Variants in DIPK1A observed in about 807,000 individuals in gnomAD.
The protein encoded by DIPK1A is divergent protein kinase domain 1A.
Under a neutral mutation model 40.8 loss-of-function variants are expected in DIPK1A, and 27 were observed. That is an observed-to-expected ratio of 0.66 (90% CI 0.49 to 0.91). The LOEUF (loss-of-function observed/expected upper bound fraction) is 0.91. DIPK1A is among the 40% of genes least tolerant of loss of function. The probability of loss-of-function intolerance (pLI) is 0.00; values close to 1 mark genes in which losing one functional copy is unlikely to be tolerated. For synonymous variants in DIPK1A, 166 were observed against 171.3 expected (o/e 0.97, Z 0.24); for missense variants, 412 against 505.7 (o/e 0.81, Z 1.78).
At chr1:92,917,736 C>T (rs1375166788) in intron 1 of DIPK1A, among the ~76,000 whole-genome samples, 3 of 152,046 alleles carry the variant, frequency 2.0e-5, no homozygotes, top group African/African-American at 7.2e-5. Context: ...GAATACCCAA[C>T]CAGAGAGCTG....
At chr1:92,889,670 C>G (rs1413764785) in intron 1 of DIPK1A, among the ~76,000 whole-genome samples, 1 of 151,446 alleles carries the variant, frequency 6.6e-6, no homozygotes, top group East Asian at 1.9e-4. Context: ...CAACAATTGA[C>G]AGGGTATCAC....
chr1:92,959,158 C>T lies in DIPK1A; in HGVS notation c.54+2218G>A, dbSNP rs547256533. On this transcript the variant is annotated intron_variant, in intron 1 of 4. Transcript: ENST00000370310. ...AAAATTAGCTGGGCATGGTGGTGTG[C>T]GCCTGTAGTCCCAGCTTCTCAGGAG... 3.9e-5 allele frequency among the ~76,000 whole-genome samples: 6 copies of T among 152,002 alleles called. No individual in the cohort carries two copies. In the East Asian group the frequency reaches 7.8e-4, roughly 20 times the overall value.
intron 1 of DIPK1A, among the ~76,000 whole-genome samples, chr1:92,948,712 C>T (rs995723100): frequency 3.4e-4 from 31 of 90,242 alleles, no homozygotes; most frequent in African/African-American, 9.0e-4. Flanking sequence ...TGTATATACA[C>T]ATATATTTTT....
intron 2 of DIPK1A, among the ~76,000 whole-genome samples, chr1:92,854,288 T>A (rs557224549): frequency 3.3e-5 from 5 of 152,242 alleles, no homozygotes; most frequent in Admixed American, 1.3e-4. Context: ...CCCTGGGAGG[T>A]GGAACCTAAT....
rs192737856 is a variant in DIPK1A at position 92,872,055 on chromosome 1, C to A, written c.189+4241G>T. Among the ~76,000 whole-genome samples, 385 of 101,736 alleles carry A rather than the reference C, an allele frequency of 3.8e-3. 5 individuals are homozygous for A. Among genetic ancestry groups the A allele is most frequent in the Non-Finnish European group, 4.0e-3 (185 of 45,922 alleles). 66.7% of individuals were successfully genotyped at this position (101,736 alleles called of 152,430 possible). ...AACCCTCCATACTATTTTCCTGATT[C>A]TTTTTCTTTAAATCTTTTTTTTTTT... On this transcript the variant is annotated intron_variant, in intron 2 of 4. Coordinates refer to ENST00000370310, the MANE Select transcript of DIPK1A (RefSeq NM_001006605.5).
At chr1:92,913,181 A>C (rs1649903471) in intron 1 of DIPK1A, among the ~76,000 whole-genome samples, 1 of 152,212 alleles carries the variant, frequency 6.6e-6, no homozygotes, top group Non-Finnish European at 1.5e-5. Context: ...TTTAAAATCA[A>C]GTCACCAAGA....
In DIPK1A at chr1:92,885,033, C is replaced by T. The variant is rs181151610; in HGVS notation, c.55-8603G>A. ...TGAAGCTTCCTTTCCAGTCTTTATT[C>T]ATGTGACTCCTAGACACATGGTAAT... On this transcript the variant is annotated intron_variant, in intron 1 of 4. Transcript: ENST00000370310. 3.4e-3 allele frequency among the ~76,000 whole-genome samples: 519 copies of T among 152,196 alleles called. 3 individuals are homozygous for T. Among genetic ancestry groups the T allele is most frequent in the African/African-American group, 0.012 (489 of 41,538 alleles).
chr1:92,833,194 A>G, intron 4 of DIPK1A: 1 of 647,920 alleles, frequency 1.5e-6, no homozygotes. Context: ...GTTTTATGAA[A>G]CTACTAGTCT....
At chr1:92,882,207 G>A (rs1217760794) in intron 1 of DIPK1A, among the ~76,000 whole-genome samples, 1 of 152,190 alleles carries the variant, frequency 6.6e-6, no homozygotes, top group South Asian at 2.1e-4. Context: ...GGCCAACATG[G>A]TGAAACCCCA....
At chr1:92,868,965 T>TAAAAAAAAAAAAA (rs33962424) in intron 2 of DIPK1A, among the ~76,000 whole-genome samples, 1 of 136,676 alleles carries the variant, frequency 7.3e-6, no homozygotes, top group African/African-American at 2.8e-5. Flanking sequence ...GACTCAATCT[T>TAAAAAAAAAAAAA]AAAAAAAAAA....
chr1:92,960,469 T>A (rs1363253553), intron 1 of DIPK1A, among the ~76,000 whole-genome samples: 1 of 152,154 alleles, frequency 6.6e-6, no homozygotes, highest in Non-Finnish European at 1.5e-5. Context: ...GGCATTGATT[T>A]GTAGTTGTTT....
intron 1 of DIPK1A, among the ~76,000 whole-genome samples, chr1:92,925,419 T>C (rs532257113): frequency 9.7e-4 from 148 of 152,344 alleles, no homozygotes; most frequent in African/African-American, 3.3e-3. Context: ...GAAGTTTTCT[T>C]TGTAGGAATG....
chr1:92,888,889 G>A (rs974216668), intron 1 of DIPK1A, among the ~76,000 whole-genome samples: 1 of 152,118 alleles, frequency 6.6e-6, no homozygotes, highest in African/African-American at 2.4e-5. Context: ...GTTTGCTGTT[G>A]AGCTCTTTGT....
chr1:92,867,408 C>G (rs1647601254), intron 2 of DIPK1A, among the ~76,000 whole-genome samples: 1 of 152,014 alleles, frequency 6.6e-6, no homozygotes, highest in Non-Finnish European at 1.5e-5. Flanking sequence ...ACCCTTCACA[C>G]ACAAATGGAG....
chr1:92,868,686 C>T (rs1011044886), intron 2 of DIPK1A, among the ~76,000 whole-genome samples: 1 of 152,134 alleles, frequency 6.6e-6, no homozygotes, highest in Non-Finnish European at 1.5e-5. Context: ...AGCTCCTTGG[C>T]TGGGTGCGGT....
downstream of DIPK1A, among the ~76,000 whole-genome samples, chr1:92,841,075 CTT>C (rs1314945373): frequency 6.6e-6 from 1 of 152,204 alleles, no homozygotes; most frequent in African/African-American, 2.4e-5. Context: ...AATTTATTCT[CTT>C]AATTGTGAAA....
chr1:92,942,655 GTTTT>G (rs1344645600), intron 1 of DIPK1A, among the ~76,000 whole-genome samples: 1 of 151,650 alleles, frequency 6.6e-6, no homozygotes, highest in Non-Finnish European at 1.5e-5. Context: ...TGTTAATTAG[GTTTT>G]TTATTTTTAT....
At chr1:92,876,559 A>G (rs1648137617) in intron 1 of DIPK1A, 129 bp from the exon 2 acceptor site, 1 of 947,120 alleles carries the variant, frequency 1.1e-6, no homozygotes, top group African/African-American at 1.7e-5. Context: ...TGGCAATTCT[A>G]GAACAAAGTG....
At chr1:92,892,418 C>A (rs552135648) in intron 1 of DIPK1A, among the ~76,000 whole-genome samples, 119 of 152,202 alleles carry the variant, frequency 7.8e-4, no homozygotes, top group Non-Finnish European at 1.3e-3. Flanking sequence ...CAGCAAACTC[C>A]AACAGAACTG....
Sources: allele counts gnomAD v4.1 joint callset (sites outside exome capture counted in the v4.1 genomes callset), GRCh38; gene constraint gnomAD v4.1.1; transcripts MANE v1.5; gene names NCBI Gene and HGNC (gene_info 2026-07-23, HGNC 2026-07-21).